The following PARD3B variants were observed in gnomAD, a reference collection of about 807,000 sequenced individuals.
PARD3B encodes the protein partitioning defective 3 homolog B.
Under a neutral mutation model 130.2 loss-of-function variants are expected in PARD3B, and 103 were observed. That is an observed-to-expected ratio of 0.79 (90% CI 0.67 to 0.93). The LOEUF (loss-of-function observed/expected upper bound fraction) is 0.93. PARD3B is among the 40% of genes least tolerant of loss of function. PARD3B has a pLI of 0.00. For missense variants in PARD3B, 1,609 were observed against 1,499.2 expected, an observed-to-expected ratio of 1.07 and a Z score of -1.21; for synonymous variants, 583 against 553.2, an observed-to-expected ratio of 1.05 and a Z score of -0.76.
intron 18 of PARD3B, among the ~76,000 whole-genome samples, chr2:205,346,339 C>T (rs888126159): frequency 3.3e-5 from 5 of 152,054 alleles, no homozygotes; most frequent in South Asian, 2.1e-4. Context: ...TGACCTCCAG[C>T]TTGTCATAGT....
At chr2:204,595,531 C>A (rs1451805350) in intron 1 of PARD3B, among the ~76,000 whole-genome samples, 1 of 152,162 alleles carries the variant, frequency 6.6e-6, no homozygotes, top group Non-Finnish European at 1.5e-5. Context: ...ATGAGGACAG[C>A]ATTGAAAGAC....
intron 2 of PARD3B, among the ~76,000 whole-genome samples, chr2:204,870,823 T>C (rs1438014239): frequency 6.6e-6 from 1 of 152,116 alleles, no homozygotes; most frequent in Non-Finnish European, 1.5e-5. Flanking sequence ...CTAGTTAAAT[T>C]TGCTTAAATA....
chr2:204,810,738 A>G (rs1479423421), intron 2 of PARD3B, among the ~76,000 whole-genome samples: 1 of 152,164 alleles, frequency 6.6e-6, no homozygotes, highest in Non-Finnish European at 1.5e-5. Flanking sequence ...TTTTACATCA[A>G]TGCTTATCAA....
At chr2:204,584,632 G>A (rs983591622) in intron 1 of PARD3B, among the ~76,000 whole-genome samples, 3 of 152,132 alleles carry the variant, frequency 2.0e-5, no homozygotes, top group Admixed American at 6.5e-5. Flanking sequence ...TCTACTCCTA[G>A]ACATTCTTAT....
intron 16 of PARD3B, among the ~76,000 whole-genome samples, chr2:205,264,441 C>T (rs1416938914): frequency 6.6e-6 from 1 of 150,934 alleles, no homozygotes; most frequent in Non-Finnish European, 1.5e-5. Context: ...TTAGCAGCTG[C>T]ATGGAAATGC....
At chr2:204,851,420 T>C (rs2044702151) in intron 2 of PARD3B, among the ~76,000 whole-genome samples, 1 of 152,174 alleles carries the variant, frequency 6.6e-6, no homozygotes, top group African/African-American at 2.4e-5. Context: ...ATGAGTAGAG[T>C]ACTGTTAAAC....
Position 205,041,039 on chromosome 2 carries a change from C to A in PARD3B, c.395-6542C>A, listed in dbSNP as rs1273068741. 4.7e-4 allele frequency among the ~76,000 whole-genome samples: 71 copies of A among 152,128 alleles called. 1 individual carries two copies. The highest frequency in any genetic ancestry group is 4.7e-3 in the Admixed American group (71 of 15,266). ...ATTAAACAATAAGCATTCTATATTT[C>A]TTTCTTTCTGAAAATTCTGAGAGAG... On this transcript the variant is annotated intron_variant, in intron 3 of 22. Coordinates refer to ENST00000406610, the MANE Select transcript of PARD3B (RefSeq NM_001302769.2).
chr2:205,152,076 T>G (rs2033796493), intron 10 of PARD3B, among the ~76,000 whole-genome samples: 1 of 152,216 alleles, frequency 6.6e-6, no homozygotes, highest in Non-Finnish European at 1.5e-5. Context: ...TTTAAGAATG[T>G]TGAATATTGG....
chr2:204,548,095 CAT>C (rs2030143913), intron 1 of PARD3B, among the ~76,000 whole-genome samples: 1 of 152,006 alleles, frequency 6.6e-6, no homozygotes, highest in East Asian at 1.9e-4. Flanking sequence ...ATTCTTCTCC[CAT>C]AGTTTTATTT....
At chr2:204,930,253 C>T (rs1025670422) in intron 2 of PARD3B, among the ~76,000 whole-genome samples, 1 of 151,344 alleles carries the variant, frequency 6.6e-6, no homozygotes, top group African/African-American at 2.4e-5. Context: ...TACAGTGGTC[C>T]CCTCAGTATT....
At chr2:204,789,927 G>A (rs1233929511) in intron 2 of PARD3B, among the ~76,000 whole-genome samples, 2 of 150,502 alleles carry the variant, frequency 1.3e-5, no homozygotes, top group Non-Finnish European at 3.0e-5. Flanking sequence ...CTGGAGTGCA[G>A]TGGCGCGATC....
chr2:204,919,390 TC>T (rs1413624511), intron 2 of PARD3B, among the ~76,000 whole-genome samples: 6 of 152,216 alleles, frequency 3.9e-5, no homozygotes, highest in African/African-American at 1.4e-4. Flanking sequence ...AATCACCTTT[TC>T]CCAGTCAATC....
chr2:205,108,602 A>G (rs868491657), intron 5 of PARD3B, among the ~76,000 whole-genome samples: 14 of 152,048 alleles, frequency 9.2e-5, no homozygotes, highest in Middle Eastern at 6.8e-3. Flanking sequence ...TCTCCTGTGC[A>G]TGCCCACTCC....
chr2:205,057,537 ATGTATATG>A (rs1699762218), intron 4 of PARD3B, among the ~76,000 whole-genome samples: 1 of 146,296 alleles, frequency 6.8e-6, no homozygotes, highest in African/African-American at 2.5e-5. Context: ...ATATACATAT[ATGTATATG>A]TGTATATGTA....
At chr2:204,843,632 C>T (rs13397994) in intron 2 of PARD3B, among the ~76,000 whole-genome samples, 4,166 of 152,140 alleles carry the variant, frequency 0.027, 96 homozygotes, top group Middle Eastern at 0.051. Context: ...TCCTCAGCTT[C>T]GCAAAGTGCT....
intron 1 of PARD3B, among the ~76,000 whole-genome samples, chr2:204,587,427 G>A (rs1392177928): frequency 6.6e-6 from 1 of 152,120 alleles, no homozygotes; most frequent in African/African-American, 2.4e-5. Flanking sequence ...ATTGTCCACG[G>A]ATAAATGGAA....
intron 21 of PARD3B, among the ~76,000 whole-genome samples, chr2:205,509,230 AATATAT>A (rs888176591): frequency 6.6e-6 from 1 of 151,998 alleles, no homozygotes; most frequent in Non-Finnish European, 1.5e-5. Context: ...ATAGGGAAAA[AATATAT>A]ATATATTGTT....
rs1332431731 is a variant in PARD3B, at chr2:205,021,751, T to A, written c.395-25830T>A. 6.6e-6 allele frequency among the ~76,000 whole-genome samples: 1 copy of A among 151,976 alleles called. No homozygotes were observed. Among genetic ancestry groups the A allele is most frequent in the African/African-American group, 2.4e-5 (1 of 41,382 alleles). On this transcript the variant is annotated intron_variant, in intron 3 of 22. Coordinates refer to ENST00000406610, the MANE Select transcript of PARD3B (RefSeq NM_001302769.2). The surrounding 1 kb of genome is among the most constrained non-coding windows in gnomAD (Gnocchi z 4.5). The stretch of plus-strand genomic sequence containing the variant: ...TTTTAAATATGAGGAAACCAAGACT[T>A]AAGGAGGTTAAGGAATTGGGTCTAG...
At chr2:204,888,372 G>T (rs1046524720) in intron 2 of PARD3B, among the ~76,000 whole-genome samples, 2 of 145,922 alleles carry the variant, frequency 1.4e-5, no homozygotes, top group South Asian at 2.1e-4. Flanking sequence ...GGGAGAGAGG[G>T]AGGGAACTGT....
Sources: gnomAD v4.1 joint callset for allele counts (sites outside exome capture counted in the v4.1 genomes callset) on GRCh38, gnomAD v4.1.1 for gene constraint, Gnocchi (gnomAD v3.1) non-coding constraint, MANE v1.5 for transcripts, NCBI Gene and HGNC (gene_info 2026-07-23, HGNC 2026-07-21) for gene names.